Variants in ZBTB18 observed in about 807,000 individuals in gnomAD.
The protein encoded by ZBTB18 is zinc finger and BTB domain-containing protein 18.
A neutral mutation model predicts 37.7 loss-of-function variants in ZBTB18; 2 were observed. The observed-to-expected ratio is 0.05, with a 90% CI of 0.02 to 0.17. The LOEUF is 0.17. Among genes scored for constraint, ZBTB18 ranks in the 10% least tolerant of loss-of-function variants. ZBTB18 has a pLI of 1.00. For synonymous variants in ZBTB18, 304 were observed against 276.5 expected (o/e 1.10, Z -0.99); for missense variants, 408 against 686.3 (o/e 0.59, Z 4.53).
chr1:244,054,717 A>G lies in ZBTB18; in HGVS notation c.943A>G (p.Arg315Gly), dbSNP rs753823569. Residue 315 changes from arginine (R) to glycine (G), a missense_variant, in exon 2 of 2, where the codon AGG (arginine) becomes GGG (glycine). Transcript: ENST00000358704. The surrounding 1 kb of genome is among the most constrained non-coding windows in gnomAD (Gnocchi z 9.0). ...TVKESVSTNN[R>G]VQYEPAHLAP... ...GAAAGAAAGTGTGAGCACTAATAAC[A>G]GGGTACAGTATGAGCCGGCCCATCT... 6.2e-7 allele frequency: 1 copy of G among 1,614,126 alleles called. No homozygotes were observed. The highest frequency in any genetic ancestry group is 2.2e-5 in the East Asian group (1 of 44,860).
chr1:244,051,412 G>C lies in ZBTB18; in HGVS notation c.-20G>C. The C allele has an allele frequency of 6.2e-7, 1 of 1,614,098 alleles. No homozygotes were observed. Among genetic ancestry groups the C allele is most frequent in the South Asian group, 1.1e-5 (1 of 91,068 alleles). On this transcript the variant is annotated 5_prime_UTR_variant, in exon 1 of 2. Transcript: ENST00000358704. ...GACCTGGAGCCAGCAGGACTCAGAG[G>C]AAAGGACTTAATCAGGTTTATGTGT...
In ZBTB18 at chr1:244,054,982, G is replaced by A. The variant is rs1273036552; in HGVS notation, c.1208G>A (p.Arg403His). 4 of 1,614,070 alleles carry A rather than the reference G, an allele frequency of 2.5e-6. No individual in the cohort carries two copies. The highest frequency in any genetic ancestry group is 1.1e-5 in the South Asian group (1 of 91,078). ...CAGATCCACCTGAGCACGCACTTCC[G>A]CGAGCAGGACGGCATCCGCAGCAAG... ...ILQIHLSTHFREQDGIRSKPA... is the reference protein window; with the variant it reads ...ILQIHLSTHFHEQDGIRSKPA... Residue 403 changes from arginine (R) to histidine (H), a missense_variant, in exon 2 of 2, where the codon CGC becomes CAC. Coordinates refer to ENST00000358704, the MANE Select transcript of ZBTB18 (RefSeq NM_205768.3). The surrounding 1 kb of genome is among the most constrained non-coding windows in gnomAD (Gnocchi z 9.0).
In ZBTB18 at chr1:244,053,902, A is replaced by C; in HGVS notation, c.128A>C (p.Gln43Pro). Residue 43 changes from glutamine (Q) to proline (P), a missense_variant, in exon 2 of 2, where the codon CAG (glutamine) becomes CCG (proline). Transcript: ENST00000358704. The surrounding 1 kb of genome is among the most constrained non-coding windows in gnomAD (Gnocchi z 5.2). Reference protein sequence around the residue: ...CDCTVLVGDAQFRAHRAVLAS... With the variant: ...CDCTVLVGDAPFRAHRAVLAS... ...TGCACTGTTCTGGTGGGAGATGCCC[A>C]GTTCCGAGCGCACCGAGCTGTACTG... 6.2e-7 allele frequency: 1 copy of C among 1,614,170 alleles called. No homozygotes were observed.
chr1:244,049,936 T>G (rs888197640), upstream of ZBTB18, among the ~76,000 whole-genome samples: 5 of 152,192 alleles, frequency 3.3e-5, no homozygotes, highest in African/African-American at 1.2e-4. Context: ...ATGGGGTGAT[T>G]AATGTCTGAT....
Position 244,054,020 on chromosome 1 carries a change from C to T in ZBTB18, c.246C>T (p.Pro82=), listed in dbSNP as rs367963595. The T allele has an allele frequency of 1.2e-5, 19 of 1,613,962 alleles. No individual in the cohort carries two copies. In the African/African-American group the frequency reaches 1.7e-4, roughly 15 times the overall value. Reference sequence around the variant, plus strand: ...TGAACAGCGACATTGTTACAGCCCCCGCTTTCGCTCTCCTGCTTGAATTCA... The same window carrying T: ...TGAACAGCGACATTGTTACAGCCCCTGCTTTCGCTCTCCTGCTTGAATTCA... The part of the protein sequence containing the change: ...VHLNSDIVTA[P]AFALLLEFMY... The change falls in exon 2 of 2, where the codon CCC becomes CCT. Residue 82 remains proline, a synonymous_variant. Transcript: ENST00000358704. This position sits in a 1 kb window ranked among gnomAD's most constrained non-coding sequence, Gnocchi z 9.0.
At position 244,056,700 on chromosome 1, in the gene ZBTB18, T is replaced by G. The variant is rs1162788654; in HGVS notation, c.*1330T>G. 6.4e-6 allele frequency: 1 copy of G among 155,576 alleles called. No homozygotes were observed. The highest frequency in any genetic ancestry group is 2.7e-5 in the African/African-American group (1 of 37,306). The allele number at this position is 155,576 out of a possible 1,614,324, so 9.6% of individuals were successfully genotyped here. A position where few individuals can be genotyped will look rare whatever the true frequency, so the allele number is the denominator to read the frequency against. On this transcript the variant is annotated 3_prime_UTR_variant, in exon 2 of 2. Coordinates refer to ENST00000358704, the MANE Select transcript of ZBTB18 (RefSeq NM_205768.3). The stretch of plus-strand genomic sequence containing the variant: ...CTCCACCCCCAACTCATGAAAAGAT[T>G]CTATGGACTGAAAAAGCCCCAGGCT...
At chr1:244,049,905 A>T (rs1698314903), upstream of ZBTB18, among the ~76,000 whole-genome samples, 1 of 151,266 alleles carries the variant, frequency 6.6e-6, no homozygotes, top group Non-Finnish European at 1.5e-5. Context: ...ACTGTCACTC[A>T]CCCCCCACCC....
chr1:244,057,241 G>A lies in ZBTB18; in HGVS notation c.*1871G>A, dbSNP rs527660466. 4.8e-5 allele frequency: 8 copies of A among 167,012 alleles called. No homozygotes were observed. In the East Asian group the frequency reaches 5.8e-4, roughly 12 times the overall value. The allele number at this position is 167,012 out of a possible 1,614,324, so 10.3% of individuals were successfully genotyped here. ...AGACAATCAATGTCTGTGAGAAAAC[G>A]GACTTTCTTTTGGATTTTCTTTTTG... On this transcript the variant is annotated 3_prime_UTR_variant, in exon 2 of 2. Transcript: ENST00000358704.
Position 244,055,131 on chromosome 1 carries a change from G to A in ZBTB18, c.1357G>A (p.Gly453Ser), listed in dbSNP as rs868387885. ...GEKPYTCTQCGKSFQYSHNLS... is the reference protein window; with the variant it reads ...GEKPYTCTQCSKSFQYSHNLS... ...GAAGCCCTACACATGCACCCAGTGC[G>A]GCAAGAGCTTCCAGTACTCGCACAA... is the stretch of plus-strand genomic sequence containing the variant. The change falls in exon 2 of 2, where the codon GGC becomes AGC. Residue 453 changes from glycine to serine, a missense_variant. Physicochemically the swap from Gly to Ser is moderately conservative, Grantham distance 56. This residue lies in a region of ZBTB18 where 25 missense variants were observed against 117.3 expected (regional missense o/e 0.21). Transcript: ENST00000358704. The surrounding 1 kb of genome is among the most constrained non-coding windows in gnomAD (Gnocchi z 7.0). The A allele has an allele frequency of 6.2e-7, 1 of 1,614,114 alleles. No homozygotes were observed. Among genetic ancestry groups the A allele is most frequent in the Non-Finnish European group, 8.5e-7 (1 of 1,180,036 alleles).
chr1:244,057,467 G>A lies in ZBTB18; in HGVS notation c.*2097G>A, dbSNP rs1325179344. On this transcript the variant is annotated 3_prime_UTR_variant, in exon 2 of 2. Coordinates refer to ENST00000358704, the MANE Select transcript of ZBTB18 (RefSeq NM_205768.3). ...GTGTGCTAACTGCAATAAATTATAT[G>A]AACTGAGAATTTCTTGTGTGTATTT... 2 of 165,682 alleles carry A rather than the reference G, an allele frequency of 1.2e-5. No individual in the cohort carries two copies. Among genetic ancestry groups the A allele is most frequent in the Non-Finnish European group, 2.9e-5 (2 of 68,098 alleles). 10.3% of individuals were successfully genotyped at this position (165,682 alleles called of 1,614,324 possible).
upstream of ZBTB18, among the ~76,000 whole-genome samples, chr1:244,049,986 G>A (rs886647109): frequency 6.6e-6 from 1 of 152,234 alleles, no homozygotes; most frequent in Admixed American, 6.5e-5. Flanking sequence ...AGAATAGGTG[G>A]TGTGGCTGGG....
At chr1:244,049,464 G>A (rs1365743875), upstream of ZBTB18, among the ~76,000 whole-genome samples, 5 of 150,856 alleles carry the variant, frequency 3.3e-5, no homozygotes, top group African/African-American at 1.2e-4. Flanking sequence ...GAGGGGGCCG[G>A]CGGGGGAGGG....
intron 1 of ZBTB18, among the ~76,000 whole-genome samples, chr1:244,052,434 C>T (rs1183946330): frequency 6.6e-6 from 1 of 152,200 alleles, no homozygotes; most frequent in Non-Finnish European, 1.5e-5. Context: ...TTTAGTCTGT[C>T]TTGGGCAAAG....
chr1:244,053,579 G>A lies in ZBTB18; in HGVS notation c.14-209G>A, dbSNP rs990857747. The A allele has an allele frequency of 1.1e-5, 3 of 281,410 alleles. No homozygotes were observed. Among genetic ancestry groups the A allele is most frequent in the Non-Finnish European group, 1.6e-5 (3 of 186,372 alleles). 17.4% of individuals were successfully genotyped at this position (281,410 alleles called of 1,614,324 possible). ...GGAGATGCGTCGGAAGCTCTTTGGC[G>A]GGGGTGAGGAAGTTCAGAAAGTGTG... On this transcript the variant is annotated intron_variant, in intron 1 of 1. Transcript: ENST00000358704. This position sits in a 1 kb window ranked among gnomAD's most constrained non-coding sequence, Gnocchi z 5.2.
In ZBTB18 at chr1:244,055,992, C is replaced by T. The variant is rs1158992920; in HGVS notation, c.*622C>T. On this transcript the variant is annotated 3_prime_UTR_variant, in exon 2 of 2. Transcript: ENST00000358704. This position sits in a 1 kb window ranked among gnomAD's most constrained non-coding sequence, Gnocchi z 7.0. ...TGGGACACTGTCTTATGAAGGTTTGCTTGGGATGAAAAAGGATATTGCAGC... is the reference window on the plus strand; with the variant it reads ...TGGGACACTGTCTTATGAAGGTTTGTTTGGGATGAAAAAGGATATTGCAGC... 1.2e-5 allele frequency: 2 copies of T among 166,950 alleles called. No homozygotes were observed. The highest frequency in any genetic ancestry group is 2.9e-5 in the Non-Finnish European group (2 of 68,094). 10.3% of individuals were successfully genotyped at this position (166,950 alleles called of 1,614,324 possible).
At chr1:244,049,076 G>C (rs1698295346), upstream of ZBTB18, 1 of 145,604 alleles carries the variant, frequency 6.9e-6, no homozygotes, top group Admixed American at 6.8e-5. Flanking sequence ...GGCGCCAGCT[G>C]TGCGGCCCCG....
Position 244,054,968 on chromosome 1 carries a change from G to C in ZBTB18, c.1194G>C (p.Leu398=), listed in dbSNP as rs1698429975. The C allele has an allele frequency of 1.9e-6, 3 of 1,613,978 alleles. No homozygotes were observed. In the African/African-American group the frequency reaches 4.0e-5, roughly 22 times the overall value. ...GCCCCCACATCCTGCAGATCCACCTGAGCACGCACTTCCGCGAGCAGGACG... is the reference window on the plus strand; with the variant it reads ...GCCCCCACATCCTGCAGATCCACCTCAGCACGCACTTCCGCGAGCAGGACG... ...FPSPHILQIH[L]STHFREQDGI... The change falls in exon 2 of 2, where the codon CTG becomes CTC. Residue 398 remains leucine (L), a synonymous_variant. Transcript: ENST00000358704. This position sits in a 1 kb window ranked among gnomAD's most constrained non-coding sequence, Gnocchi z 9.0.
At position 244,055,396 on chromosome 1, in the gene ZBTB18, A is replaced by G. The variant is rs530527622; in HGVS notation, c.*26A>G. The G allele has an allele frequency of 1.1e-5, 7 of 634,884 alleles. No homozygotes were observed. The African/African-American group carries it at 1.2e-4, about 10-fold the overall frequency. 39.3% of individuals were successfully genotyped at this position (634,884 alleles called of 1,614,324 possible). A position where few individuals can be genotyped will look rare whatever the true frequency, so the allele number is the denominator to read the frequency against. On this transcript the variant is annotated 3_prime_UTR_variant, in exon 2 of 2. Coordinates refer to ENST00000358704, the MANE Select transcript of ZBTB18 (RefSeq NM_205768.3). The surrounding 1 kb of genome is among the most constrained non-coding windows in gnomAD (Gnocchi z 7.0). ...TTTTATATATATATAAATAATATAT[A>G]TATATATACATATATATAAATAGAT...
rs1698488254 is a variant in ZBTB18 at position 244,057,049 on chromosome 1, A to C, written c.*1679A>C. 6.0e-6 allele frequency: 1 copy of C among 167,000 alleles called. No individual in the cohort carries two copies. The highest frequency in any genetic ancestry group is 2.1e-4 in the South Asian group (1 of 4,828). The allele number at this position is 167,000 out of a possible 1,614,324, so 10.3% of individuals were successfully genotyped here. ...TGTGTGTTGCTGGACTGTTTTGGAAATATTTGGTTAAATGTGTGTTAATTT... is the reference window on the plus strand; with the variant it reads ...TGTGTGTTGCTGGACTGTTTTGGAACTATTTGGTTAAATGTGTGTTAATTT... On this transcript the variant is annotated 3_prime_UTR_variant, in exon 2 of 2. Transcript: ENST00000358704.
Sources: gnomAD v4.1 joint callset for allele counts (sites outside exome capture counted in the v4.1 genomes callset) on GRCh38, gnomAD v4.1.1 for gene constraint, gnomAD v4.1.1 regional missense constraint, Gnocchi (gnomAD v3.1) non-coding constraint, MANE v1.5 for transcripts, NCBI Gene and HGNC (gene_info 2026-07-23, HGNC 2026-07-21) for gene names.